The following ACAP3 variants were observed in gnomAD, a reference collection of about 807,000 sequenced individuals.
ACAP3 encodes ArfGAP with coiled-coil, ankyrin repeat and PH domains 3, also known as arf-GAP with coiled-coil, ANK repeat and PH domain-containing protein 3.
A neutral mutation model predicts 104.1 loss-of-function variants in ACAP3; 56 were observed. The ratio of observed to expected loss-of-function variants is 0.54; its 90% CI spans 0.43 to 0.67. The LOEUF (loss-of-function observed/expected upper bound fraction) is 0.67. Ranked by LOEUF, ACAP3 falls within the 30% of genes least tolerant of loss-of-function variation. The probability of loss-of-function intolerance (pLI) is 0.00; values close to 1 mark genes in which losing one functional copy is unlikely to be tolerated. For missense variants in ACAP3, 1,208 were observed against 1,174.9 expected (o/e 1.03, Z -0.41); for synonymous variants, 628 against 496.2 (o/e 1.27, Z -3.53).
rs114969353 is a variant in ACAP3 at position 1,303,697 on chromosome 1, G to A, written c.105+389C>T. 7,521 of 388,454 alleles carry A rather than the reference G, an allele frequency of 0.019. 580 individuals are homozygous for A. Among genetic ancestry groups the A allele is most frequent in the African/African-American group, 0.15 (6,688 of 45,596 alleles). 24.1% of individuals were successfully genotyped at this position (388,454 alleles called of 1,614,324 possible). On this transcript the variant is annotated intron_variant, in intron 2 of 23. Transcript: ENST00000354700. The surrounding 1 kb of genome is among the most constrained non-coding windows in gnomAD (Gnocchi z 4.0). ...GCCCCCTCTTTCTCAGCCCATGTGG[G>A]GCTCATGGACACGGCTCCCCCCTCC...
intron 1 of ACAP3, chr1:1,305,384 G>T (rs1000249074): frequency 6.5e-6 from 1 of 152,776 alleles, no homozygotes; most frequent in Non-Finnish European, 1.5e-5. Context: ...ACAGAGAAGG[G>T]ACCATCCTCC....
In ACAP3 at chr1:1,307,905, G is replaced by T. The variant is rs112647254; in HGVS notation, c.-90C>A. On this transcript the variant is annotated 5_prime_UTR_variant, in exon 1 of 24. Transcript: ENST00000354700. ...CCGGACCGCTCGTCCCGCCCGCGCC[G>T]CCTCGGCGCCCGCCCGCCCCGGAAT... is the stretch of plus-strand genomic sequence containing the variant. 2.7e-6 allele frequency: 2 copies of T among 737,892 alleles called. No homozygotes were observed. Among genetic ancestry groups the T allele is most frequent in the Non-Finnish European group, 3.3e-6 (2 of 606,820 alleles). The allele number at this position is 737,892 out of a possible 1,614,324, so 45.7% of individuals were successfully genotyped here.
At chr1:1,302,126 AG>A in intron 4 of ACAP3, 80 bp from the exon 5 acceptor site, 1 of 1,264,088 alleles carries the variant, frequency 7.9e-7, no homozygotes. Context: ...TCACCAGCAG[AG>A]GGCACTGCCC....
Position 1,296,006 on chromosome 1 carries a change from CCA to C in ACAP3, c.1502+7_1502+8del. Reference sequence around the variant, plus strand: ...CTCCCTGACTGATCCAGACTGTACCCCACCTCACCGGGAGCTGCTGGCTGTGG... The same window carrying C: ...CTCCCTGACTGATCCAGACTGTACCCCCTCACCGGGAGCTGCTGGCTGTGG... On this transcript the variant is annotated splice_region_variant and intron_variant, in intron 17 of 23. Transcript: ENST00000354700. The C allele has an allele frequency of 6.2e-7, 1 of 1,612,794 alleles. No homozygotes were observed. The highest frequency in any genetic ancestry group is 8.5e-7 in the Non-Finnish European group (1 of 1,179,970).
chr1:1,294,822 G>C lies in ACAP3; in HGVS notation c.1814-6C>G. 2 of 1,549,664 alleles carry C rather than the reference G, an allele frequency of 1.3e-6. No individual in the cohort carries two copies. Among genetic ancestry groups the C allele is most frequent in the Non-Finnish European group, 1.7e-6 (2 of 1,146,610 alleles). The stretch of plus-strand genomic sequence containing the variant: ...GCCACTGTCGCTACTCAGACCTGCA[G>C]GTCCGCAGGGAAGGGGGTCCTGAGG... On this transcript the variant is annotated splice_region_variant and splice_polypyrimidine_tract_variant and intron_variant, in intron 19 of 23. Coordinates refer to ENST00000354700, the MANE Select transcript of ACAP3 (RefSeq NM_030649.3).
At chr1:1,293,762 C>CTGGAGGCCCCGCCCCTGCCA in intron 23 of ACAP3, 54 bp from the exon 24 acceptor site, 2 of 1,495,820 alleles carry the variant, frequency 1.3e-6, no homozygotes, top group Non-Finnish European at 1.8e-6. Flanking sequence ...CGCCCCTGCC[C>CTGGAGGCCCCGCCCCTGCCA]TGGAGGCCCC....
intron 1 of ACAP3, chr1:1,304,380 A>C: frequency 1.7e-6 from 1 of 592,454 alleles, no homozygotes; most frequent in Non-Finnish European, 3.0e-6. Context: ...TCGGGGAAGA[A>C]GGCTGGACCA....
chr1:1,294,779 A>C lies in ACAP3; in HGVS notation c.1851T>G (p.Asp617Glu), dbSNP rs759270107. 3 of 1,549,748 alleles carry C rather than the reference A, an allele frequency of 1.9e-6. No homozygotes were observed. The highest frequency in any genetic ancestry group is 2.4e-5 in the South Asian group (2 of 84,056). ...CGAAAGCCAGGACGTCCGAGCTGCCATCCGAGCTGCCCCCAAGGCCACTGT... is the reference window on the plus strand; with the variant it reads ...CGAAAGCCAGGACGTCCGAGCTGCCCTCCGAGCTGCCCCCAAGGCCACTGT... Reference protein sequence around the residue: ...SSDSGLGGSSDGSSDVLAFGS... With the variant: ...SSDSGLGGSSEGSSDVLAFGS... Residue 617 changes from aspartate to glutamate, a missense_variant, in exon 20 of 24, where the codon GAT (aspartate) becomes GAG (glutamate). By Grantham distance (45) the Asp-to-Glu change is conservative. Transcript: ENST00000354700.
At chr1:1,307,106 T>C in intron 1 of ACAP3, 2 of 1,124,928 alleles carry the variant, frequency 1.8e-6, no homozygotes, top group Non-Finnish European at 2.4e-6. Flanking sequence ...GCCTCCATTG[T>C]CGTTTGCCAA....
intron 1 of ACAP3, chr1:1,305,198 CAGA>C (rs2100488373): frequency 6.6e-6 from 1 of 152,420 alleles, no homozygotes; most frequent in East Asian, 1.9e-4. Context: ...CCAGCCACCC[CAGA>C]AGGACACTAG....
In ACAP3 at chr1:1,295,789, C is replaced by T. The variant is rs774733424; in HGVS notation, c.1652G>A (p.Arg551His). 1.3e-5 allele frequency: 21 copies of T among 1,608,980 alleles called. No individual in the cohort carries two copies. The South Asian group carries it at 1.9e-4, about 14-fold the overall frequency. ...AACGGGCTCAAGCCGGACCTTGCGG[C>T]GGGCAGTGGGAGCGCGGGGAGAGCT... ...PHSSPRAPTA[R>H]RKVRLEPVLP... Residue 551 changes from arginine (R) to histidine (H), a missense_variant, in exon 18 of 24, where the codon CGC becomes CAC. Arg to His is a conservative substitution (Grantham distance 29). Transcript: ENST00000354700.
At chr1:1,299,533 C>G (rs1037369991) in intron 9 of ACAP3, 177 bp from the exon 10 acceptor site, 1 of 845,222 alleles carries the variant, frequency 1.2e-6, no homozygotes. Context: ...AACCTCTGCC[C>G]GGGATGGTGG....
chr1:1,297,847 T>C lies in ACAP3; in HGVS notation c.1103A>G (p.Glu368Gly). ...VQASIASAYR[E>G]SPDSCYSERL... ...CTCGCTATAGCAACTGTCAGGGCTC[T>C]CGCGGTAGGCGGAGGCGATGCTGGC... Residue 368 changes from glutamate (E) to glycine (G), a missense_variant, in exon 14 of 24, where the codon GAG becomes GGG. Glu to Gly is a moderately conservative substitution (Grantham distance 98, BLOSUM62 -2). Transcript: ENST00000354700. The C allele has an allele frequency of 2.5e-6, 4 of 1,611,692 alleles. No individual in the cohort carries two copies. The highest frequency in any genetic ancestry group is 3.4e-6 in the Non-Finnish European group (4 of 1,179,326).
rs115782597 is a variant in ACAP3 at position 1,306,412 on chromosome 1, G to T, written c.47+1357C>A. ...CATGCCCACACCTCCCCACAGCCCG[G>T]GTCCTCAATGCAGGATCCTAGGGTG... is the stretch of plus-strand genomic sequence containing the variant. On this transcript the variant is annotated intron_variant, in intron 1 of 23. Coordinates refer to ENST00000354700, the MANE Select transcript of ACAP3 (RefSeq NM_030649.3). 5.2e-3 allele frequency among the ~76,000 whole-genome samples: 789 copies of T among 152,270 alleles called. 6 individuals are homozygous for T. Among genetic ancestry groups the T allele is most frequent in the African/African-American group, 0.018 (732 of 41,550 alleles).
intron 1 of ACAP3, chr1:1,304,703 G>C (rs1450356826): frequency 6.4e-6 from 1 of 156,818 alleles, no homozygotes; most frequent in African/African-American, 2.4e-5. Flanking sequence ...AAGCGGCATG[G>C]TCCGCTGGAA....
At position 1,303,089 on chromosome 1, in the gene ACAP3, G is replaced by A. The variant is rs924080298; in HGVS notation, c.225+73C>T. ...ACACCGGCCTGCTTCTGGCCTGGAC[G>A]CCCTCAAGGGGCTGCCTCCCTCGGC... On this transcript the variant is annotated intron_variant, in intron 3 of 23. Transcript: ENST00000354700. This position sits in a 1 kb window ranked among gnomAD's most constrained non-coding sequence, Gnocchi z 4.0. 1.7e-5 allele frequency: 27 copies of A among 1,552,250 alleles called. No individual in the cohort carries two copies. The highest frequency in any genetic ancestry group is 4.8e-5 in the East Asian group (2 of 41,504).
Position 1,299,872 on chromosome 1 carries a change from T to C in ACAP3, c.697A>G (p.Lys233Glu), listed in dbSNP as rs372258014. Residue 233 changes from lysine (K) to glutamate (E), a missense_variant, in exon 9 of 24, where the codon AAG becomes GAG. By Grantham distance (56) the Lys-to-Glu change is moderately conservative. Coordinates refer to ENST00000354700, the MANE Select transcript of ACAP3 (RefSeq NM_030649.3). ...DQLVIDSAVE[K>E]REMERKHAAI... ...GCGTGCTTTCGCTCCATCTCACGCTTTTCCACCGCAGAGTCGATCACCAGC... is the reference window on the plus strand; with the variant it reads ...GCGTGCTTTCGCTCCATCTCACGCTCTTCCACCGCAGAGTCGATCACCAGC... 7 of 1,574,116 alleles carry C rather than the reference T, an allele frequency of 4.4e-6. No homozygotes were observed. The highest frequency in any genetic ancestry group is 4.3e-6 in the Non-Finnish European group (5 of 1,157,954).
intron 22 of ACAP3, 24 bp downstream of exon 22, chr1:1,294,066 C>A (rs746851256): frequency 3.9e-6 from 6 of 1,542,834 alleles, no homozygotes; most frequent in African/African-American, 1.4e-5. Context: ...GGGCACAGGG[C>A]GGGGCGTGGG....
intron 5 of ACAP3, 88 bp downstream of exon 5, chr1:1,301,900 G>C: frequency 1.6e-6 from 2 of 1,288,974 alleles, no homozygotes; most frequent in Admixed American, 2.8e-5. Flanking sequence ...TGGGCCCAAG[G>C]TGCCTCTGCT....
Sources: allele counts gnomAD v4.1 joint callset (sites outside exome capture counted in the v4.1 genomes callset), GRCh38; gene constraint gnomAD v4.1.1; non-coding constraint Gnocchi (gnomAD v3.1); transcripts MANE v1.5; gene names NCBI Gene and HGNC (gene_info 2026-07-23, HGNC 2026-07-21).